The following SLC35F3 variants were observed in gnomAD, a reference collection of about 807,000 sequenced individuals.
SLC35F3 encodes solute carrier family 35 member F3.
In SLC35F3, 25 loss-of-function variants were observed where a neutral mutation model predicts 49.9. That is an observed-to-expected ratio of 0.50 (90% CI 0.37 to 0.70). The LOEUF is 0.70. SLC35F3 is among the 30% of genes least tolerant of loss of function. The pLI, the probability that SLC35F3 is intolerant of heterozygous loss-of-function variation, is 0.00. For synonymous variants in SLC35F3, 275 were observed against 265.4 expected, an observed-to-expected ratio of 1.04 and a Z score of -0.35; for missense variants, 525 against 639.8, an observed-to-expected ratio of 0.82 and a Z score of 1.94.
At chr1:234,160,300 C>T (rs1428063331) in intron 2 of SLC35F3, among the ~76,000 whole-genome samples, 1 of 152,134 alleles carries the variant, frequency 6.6e-6, no homozygotes, top group Non-Finnish European at 1.5e-5. Context: ...ACCCAGGAGC[C>T]ATGAAGGACT....
intron 2 of SLC35F3, among the ~76,000 whole-genome samples, chr1:234,114,710 A>G (rs1665458355): frequency 1.3e-5 from 2 of 152,248 alleles, no homozygotes; most frequent in Non-Finnish European, 2.9e-5. Context: ...TGGAATGAGG[A>G]GGGATTTCCC....
chr1:234,235,652 C>G (rs1361793233), intron 3 of SLC35F3, among the ~76,000 whole-genome samples: 3 of 152,230 alleles, frequency 2.0e-5, no homozygotes, highest in African/African-American at 2.4e-5. Flanking sequence ...AGACCTTCTG[C>G]TATCATGCAG....
intron 2 of SLC35F3, among the ~76,000 whole-genome samples, chr1:234,026,542 A>G (rs1223831657): frequency 6.6e-6 from 1 of 152,196 alleles, no homozygotes; most frequent in Non-Finnish European, 1.5e-5. Context: ...GTAGGTTGGC[A>G]ACTCTTAAAC....
intron 2 of SLC35F3, among the ~76,000 whole-genome samples, chr1:234,053,802 G>A (rs1461250504): frequency 6.6e-6 from 1 of 152,126 alleles, no homozygotes; most frequent in Non-Finnish European, 1.5e-5. Context: ...TCCATGTTTA[G>A]TGCTTCCTTC....
chr1:234,016,398 A>G (rs557497051), intron 2 of SLC35F3, among the ~76,000 whole-genome samples: 1 of 152,364 alleles, frequency 6.6e-6, no homozygotes, highest in South Asian at 2.1e-4. Context: ...CTAAGGATCC[A>G]TCAATGGATT....
At chr1:234,000,548 A>G (rs1256971324) in intron 2 of SLC35F3, among the ~76,000 whole-genome samples, 1 of 152,206 alleles carries the variant, frequency 6.6e-6, no homozygotes, top group Admixed American at 6.5e-5. Flanking sequence ...GAGATGGTTT[A>G]TAAACCATTG....
rs61401819 is a variant in SLC35F3, at chr1:234,066,830, C to CCACACA, written c.283+161113_283+161118dup. ...CTCTCTGTCTCTGTCCCTCTCTCTC[C>CCACACA]CACACACACACACACACACACACAC... On this transcript the variant is annotated intron_variant, in intron 2 of 7. Transcript: ENST00000366618. 7.9e-3 allele frequency among the ~76,000 whole-genome samples: 1,064 copies of CCACACA among 135,170 alleles called. 13 individuals carry two copies. Among genetic ancestry groups the CCACACA allele is most frequent in the African/African-American group, 0.029 (1,000 of 35,058 alleles). The allele number at this position is 135,170 out of a possible 152,430, so 88.7% of individuals were successfully genotyped here. A position where few individuals can be genotyped will look rare whatever the true frequency, so the allele number is the denominator to read the frequency against.
chr1:234,019,547 G>A lies in SLC35F3; in HGVS notation c.283+113789G>A, dbSNP rs532003119. Among the ~76,000 whole-genome samples the A allele has an allele frequency of 1.2e-4, 18 of 152,196 alleles. No individual in the cohort carries two copies. In the South Asian group the frequency reaches 3.7e-3, roughly 32 times the overall value. ...ATTCTCTCTTCCTTTGGGGACCTCAGGGGTTTTTTTCCTCAAGGCCTTCAA... is the reference window on the plus strand; with the variant it reads ...ATTCTCTCTTCCTTTGGGGACCTCAAGGGTTTTTTTCCTCAAGGCCTTCAA... On this transcript the variant is annotated intron_variant, in intron 2 of 7. Transcript: ENST00000366618.
chr1:234,310,310 C>T (rs1489347990), intron 4 of SLC35F3, among the ~76,000 whole-genome samples: 1 of 152,184 alleles, frequency 6.6e-6, no homozygotes, highest in Admixed American at 6.5e-5. Context: ...CAGTGCAGGG[C>T]CCTCTACTTC....
intron 3 of SLC35F3, among the ~76,000 whole-genome samples, chr1:234,263,352 G>A (rs6586381): frequency 0.34 from 51,706 of 152,000 alleles, 9,279 homozygotes; most frequent in East Asian, 0.65. Context: ...AATTTCTGAT[G>A]AGAATTTTAA....
intron 2 of SLC35F3, among the ~76,000 whole-genome samples, chr1:234,216,349 C>G (rs1333518224): frequency 1.3e-5 from 2 of 152,160 alleles, no homozygotes; most frequent in African/African-American, 2.4e-5. Context: ...TCGAACTGCA[C>G]TGGAAGTGGG....
Position 234,309,198 on chromosome 1 carries a change from C to T in SLC35F3, c.706C>T (p.Leu236=), listed in dbSNP as rs1366389481. 4 of 1,614,102 alleles carry T rather than the reference C, an allele frequency of 2.5e-6. No homozygotes were observed. Among genetic ancestry groups the T allele is most frequent in the Admixed American group, 1.7e-5 (1 of 60,014 alleles). The part of the protein sequence containing the change: ...FGVLWTLTNY[L]YLHAIKKINT... ...TGTTCTTTGGACACTCACAAACTAC[C>T]TGTACTTACATGCAATAAAGAAAAT... is the stretch of plus-strand genomic sequence containing the variant. Residue 236 remains leucine, a synonymous_variant, in exon 4 of 8, where the codon CTG becomes TTG. Transcript: ENST00000366618.
rs914173831 is a variant in SLC35F3 at position 234,231,776 on chromosome 1, C to G, written c.608+35C>G. The G allele has an allele frequency of 1.9e-6, 3 of 1,560,726 alleles. No homozygotes were observed. The highest frequency in any genetic ancestry group is 2.7e-5 in the African/African-American group (2 of 74,010). On this transcript the variant is annotated intron_variant, in intron 3 of 7. Transcript: ENST00000366618. The surrounding 1 kb of genome is among the most constrained non-coding windows in gnomAD (Gnocchi z 5.4). The stretch of plus-strand genomic sequence containing the variant: ...TCCTGCATGAGGAGGCCTCCTGACC[C>G]CGGGCTGCTCCATCCAGCGCTGACT...
chr1:233,912,711 A>C (rs1558176357), intron 2 of SLC35F3, among the ~76,000 whole-genome samples: 2 of 152,212 alleles, frequency 1.3e-5, no homozygotes, highest in Non-Finnish European at 2.9e-5. Flanking sequence ...CGCTGGACAA[A>C]GGGATGATTC....
At chr1:234,139,951 T>TTAA (rs1553308861) in intron 2 of SLC35F3, among the ~76,000 whole-genome samples, 7 of 90,562 alleles carry the variant, frequency 7.7e-5, no homozygotes, top group Non-Finnish European at 1.1e-4. Flanking sequence ...CATCTCAAAA[T>TTAA]AATAAAATAA....
chr1:234,076,021 T>C (rs543619846), intron 2 of SLC35F3, among the ~76,000 whole-genome samples: 6 of 152,332 alleles, frequency 3.9e-5, no homozygotes, highest in Admixed American at 3.9e-4. Context: ...TTTTCTGTGA[T>C]TCCATGTTAT....
At chr1:234,038,780 G>A (rs187576695) in intron 2 of SLC35F3, among the ~76,000 whole-genome samples, 2 of 152,296 alleles carry the variant, frequency 1.3e-5, no homozygotes, top group East Asian at 3.9e-4. Flanking sequence ...TTTTGAGGTT[G>A]TTATAGTGTC....
intron 2 of SLC35F3, among the ~76,000 whole-genome samples, chr1:233,933,999 T>C (rs1031328578): frequency 6.6e-6 from 1 of 152,226 alleles, no homozygotes; most frequent in African/African-American, 2.4e-5. Flanking sequence ...TGTTTTCTAC[T>C]CTATTAGCAC....
intron 2 of SLC35F3, among the ~76,000 whole-genome samples, chr1:233,963,536 C>G (rs58252215): frequency 6.6e-6 from 1 of 151,932 alleles, no homozygotes; most frequent in Non-Finnish European, 1.5e-5. Flanking sequence ...CTCCTGATCT[C>G]GTGATCTGCC....
Sources: gnomAD v4.1 joint callset for allele counts (sites outside exome capture counted in the v4.1 genomes callset) on GRCh38, gnomAD v4.1.1 for gene constraint, Gnocchi (gnomAD v3.1) non-coding constraint, MANE v1.5 for transcripts, NCBI Gene and HGNC (gene_info 2026-07-23, HGNC 2026-07-21) for gene names.